STAG1: variants seen among roughly 807,000 people sequenced by gnomAD.
The protein encoded by STAG1 is STAG1 cohesin complex component, also known as cohesin subunit SA-1.
Under a neutral mutation model 170.9 loss-of-function variants are expected in STAG1, and 26 were observed. That is an observed-to-expected ratio of 0.15 (90% CI 0.11 to 0.21). The LOEUF is 0.21. Among genes scored for constraint, STAG1 ranks in the 10% least tolerant of loss-of-function variants. STAG1 has a pLI of 1.00. For missense variants in STAG1, 964 were observed against 1,509.5 expected, an observed-to-expected ratio of 0.64 and a Z score of 5.99; for synonymous variants, 514 against 497.7, an observed-to-expected ratio of 1.03 and a Z score of -0.44.
At chr3:136,720,563 G>A (rs1229081644) in intron 1 of STAG1, among the ~76,000 whole-genome samples, 1 of 152,132 alleles carries the variant, frequency 6.6e-6, no homozygotes, top group African/African-American at 2.4e-5. Context: ...GCCGAGGCAG[G>A]CAGATCACCT....
chr3:136,750,045 T>G (rs1244030220), intron 1 of STAG1, among the ~76,000 whole-genome samples: 1 of 152,134 alleles, frequency 6.6e-6, no homozygotes, highest in Non-Finnish European at 1.5e-5. Context: ...ACTGAGATTA[T>G]GAACATACAC....
chr3:136,751,689 T>G (rs916668953), intron 1 of STAG1, among the ~76,000 whole-genome samples: 2 of 151,950 alleles, frequency 1.3e-5, no homozygotes, highest in Non-Finnish European at 2.9e-5. Context: ...CTCGTTGTCA[T>G]GTGACGCCGC....
At chr3:136,584,648 T>G (rs561408353) in intron 4 of STAG1, among the ~76,000 whole-genome samples, 1 of 152,356 alleles carries the variant, frequency 6.6e-6, no homozygotes, top group African/African-American at 2.4e-5. Context: ...ATCCAATATC[T>G]TTCAATCCAC....
intron 4 of STAG1, among the ~76,000 whole-genome samples, chr3:136,580,812 C>A (rs368898217): frequency 3.3e-5 from 5 of 151,978 alleles, no homozygotes; most frequent in South Asian, 4.1e-4. Context: ...GGATTACAGG[C>A]GTGAGCCACC....
chr3:136,463,354 G>A (rs1238111767), intron 13 of STAG1, among the ~76,000 whole-genome samples: 1 of 152,106 alleles, frequency 6.6e-6, no homozygotes, highest in Non-Finnish European at 1.5e-5. Context: ...CTGGAGAGAG[G>A]ACCAGGCCTG....
intron 1 of STAG1, among the ~76,000 whole-genome samples, chr3:136,716,355 C>T (rs996694827): frequency 1.3e-5 from 2 of 151,788 alleles, no homozygotes; most frequent in African/African-American, 2.4e-5. Context: ...GCCAGCTACT[C>T]GGGAGGCTGA....
chr3:136,499,447 C>T (rs920281972), intron 9 of STAG1, among the ~76,000 whole-genome samples: 1 of 152,120 alleles, frequency 6.6e-6, no homozygotes, highest in East Asian at 1.9e-4. Context: ...CAGGGATGAG[C>T]GACCACATCC....
intron 2 of STAG1, among the ~76,000 whole-genome samples, chr3:136,628,050 T>C (rs904142585): frequency 6.6e-6 from 1 of 152,312 alleles, no homozygotes; most frequent in African/African-American, 2.4e-5. Context: ...CATCTCGAAC[T>C]GTAATCCCCA....
chr3:136,629,554 A>G (rs963994056), intron 2 of STAG1, among the ~76,000 whole-genome samples: 2 of 152,004 alleles, frequency 1.3e-5, no homozygotes, highest in Non-Finnish European at 2.9e-5. Context: ...ATAAGTAGGC[A>G]GAAATAAATT....
chr3:136,746,419 A>G lies in STAG1; in HGVS notation c.-84+5776T>C, dbSNP rs918777318. 5.3e-5 allele frequency among the ~76,000 whole-genome samples: 8 copies of G among 152,046 alleles called. No homozygotes were observed. In the South Asian group the frequency reaches 1.7e-3, roughly 32 times the overall value. Reference sequence around the variant, plus strand: ...GGGTCACCTGTAAAATAAACTAATTATAAATGATGAGCTAAAAAAAAAAAC... The same window carrying G: ...GGGTCACCTGTAAAATAAACTAATTGTAAATGATGAGCTAAAAAAAAAAAC... On this transcript the variant is annotated intron_variant, in intron 1 of 33. Coordinates refer to ENST00000383202, the MANE Select transcript of STAG1 (RefSeq NM_005862.3).
At chr3:136,541,540 A>ACACACT (rs1553743111) in intron 6 of STAG1, among the ~76,000 whole-genome samples, 1 of 101,848 alleles carries the variant, frequency 9.8e-6, no homozygotes, top group Admixed American at 9.2e-5. Context: ...CTTAACATTC[A>ACACACT]CACACACACA....
At chr3:136,626,870 C>CA (rs1258532081) in intron 2 of STAG1, among the ~76,000 whole-genome samples, 1 of 152,210 alleles carries the variant, frequency 6.6e-6, no homozygotes, top group Non-Finnish European at 1.5e-5. Context: ...TAGTAAGTGG[C>CA]AGAGTCCAGT....
chr3:136,498,210 T>TATATATATATATA (rs1274164696), intron 9 of STAG1, among the ~76,000 whole-genome samples: 1 of 50,838 alleles, frequency 2.0e-5, no homozygotes, highest in African/African-American at 1.3e-4. Flanking sequence ...AAAAAAAAAA[T>TATATATATATATA]TATATATATA....
chr3:136,571,958 G>C (rs1294170599), intron 4 of STAG1, among the ~76,000 whole-genome samples: 2 of 152,066 alleles, frequency 1.3e-5, no homozygotes, highest in Non-Finnish European at 2.9e-5. Flanking sequence ...CGAGATGGGT[G>C]GCTCACTTGA....
At chr3:136,399,200 A>G (rs1041922843) in intron 21 of STAG1, among the ~76,000 whole-genome samples, 1 of 152,228 alleles carries the variant, frequency 6.6e-6, no homozygotes, top group Non-Finnish European at 1.5e-5. Flanking sequence ...ACATTTTATA[A>G]GAAAATTTCT....
chr3:136,604,845 T>C (rs1938860672), intron 3 of STAG1, among the ~76,000 whole-genome samples: 1 of 152,164 alleles, frequency 6.6e-6, no homozygotes, highest in South Asian at 2.1e-4. Flanking sequence ...AGACGGAGTT[T>C]CACCATGTTG....
At chr3:136,460,495 G>A (rs911392481) in intron 13 of STAG1, among the ~76,000 whole-genome samples, 10 of 152,114 alleles carry the variant, frequency 6.6e-5, no homozygotes, top group Non-Finnish European at 1.0e-4. Context: ...CCAGCTACTC[G>A]AGAGGCTGAG....
intron 21 of STAG1, chr3:136,417,659 A>T (rs2087812710): frequency 4.7e-6 from 2 of 423,820 alleles, no homozygotes; most frequent in Admixed American, 3.9e-5. Context: ...CTTAACAGTA[A>T]AATTTTTAAG....
At chr3:136,744,154 C>G (rs1234916986) in intron 1 of STAG1, among the ~76,000 whole-genome samples, 1 of 152,150 alleles carries the variant, frequency 6.6e-6, no homozygotes, top group East Asian at 1.9e-4. Context: ...ATAGAGAAAC[C>G]CCGTCTCTAC....
Sources: gnomAD v4.1 joint callset for allele counts (sites outside exome capture counted in the v4.1 genomes callset) on GRCh38, gnomAD v4.1.1 for gene constraint, MANE v1.5 for transcripts, NCBI Gene and HGNC (gene_info 2026-07-23, HGNC 2026-07-21) for gene names.